The following LMO7 variants were observed in gnomAD, a reference collection of about 807,000 sequenced individuals.
LMO7 encodes LIM domain only protein 7.
LMO7 carries 120 observed loss-of-function variants against 206.5 expected under a neutral mutation model. That is an observed-to-expected ratio of 0.58 (90% CI 0.50 to 0.68). LMO7 has a LOEUF of 0.68. Among genes scored for constraint, LMO7 ranks in the 30% least tolerant of loss-of-function variants. LMO7 has a pLI of 0.00. For synonymous variants in LMO7, 706 were observed against 681.5 expected, an observed-to-expected ratio of 1.04 and a Z score of -0.56; for missense variants, 1,959 against 1,957.9, an observed-to-expected ratio of 1.00 and a Z score of -0.01.
At chr13:75,803,426 C>T (rs184878697) in intron 7 of LMO7, among the ~76,000 whole-genome samples, 9 of 152,316 alleles carry the variant, frequency 5.9e-5, no homozygotes, top group Admixed American at 1.3e-4. Flanking sequence ...CAAACCTTTA[C>T]AAGTGCACAG....
intron 1 of LMO7, 150 bp from the exon 2 acceptor site, chr13:75,713,032 C>T (rs1338427400): frequency 4.1e-6 from 2 of 487,622 alleles, no homozygotes; most frequent in Non-Finnish European, 3.6e-6. Flanking sequence ...AGTACATATT[C>T]CTATAAGGAA....
intron 1 of LMO7, among the ~76,000 whole-genome samples, chr13:75,699,657 A>T (rs1280379360): frequency 6.6e-6 from 1 of 152,306 alleles, no homozygotes; most frequent in South Asian, 2.1e-4. Flanking sequence ...CAGAGATCGC[A>T]TGCTTCAGAA....
chr13:75,626,104 T>C (rs999336154), intron 2 of LMO7, among the ~76,000 whole-genome samples: 2 of 152,218 alleles, frequency 1.3e-5, no homozygotes, highest in African/African-American at 2.4e-5. Flanking sequence ...GGAATACAAC[T>C]TGGTCTCTTA....
intron 1 of LMO7, among the ~76,000 whole-genome samples, chr13:75,707,116 T>C (rs1248307079): frequency 6.6e-6 from 1 of 151,664 alleles, no homozygotes; most frequent in Non-Finnish European, 1.5e-5. Context: ...TTTTGGCTTC[T>C]TCTGAATGTT....
chr13:75,688,978 A>G (rs567760013), intron 1 of LMO7: 2 of 152,218 alleles, frequency 1.3e-5, no homozygotes, highest in Non-Finnish European at 2.9e-5. Context: ...AATGTTTTTA[A>G]TGCAATTCTT....
At chr13:75,733,786 A>G (rs1234499025) in intron 3 of LMO7, among the ~76,000 whole-genome samples, 2 of 152,036 alleles carry the variant, frequency 1.3e-5, no homozygotes, top group African/African-American at 2.4e-5. Flanking sequence ...CCTTATTTTA[A>G]TTTTTAATTG....
chr13:75,801,007 G>C, intron 7 of LMO7, 125 bp downstream of exon 7: 1 of 804,380 alleles, frequency 1.2e-6, no homozygotes, highest in Non-Finnish European at 2.1e-6. Flanking sequence ...TTTTCATAGA[G>C]ACTGGAGTAT....
chr13:75,766,237 C>CT (rs10604656), intron 4 of LMO7, among the ~76,000 whole-genome samples: 30,120 of 125,792 alleles, frequency 0.24, 3,647 homozygotes, highest in Middle Eastern at 0.39. Context: ...TTCCCTCAGT[C>CT]TTTTTTTTTT....
intron 2 of LMO7, among the ~76,000 whole-genome samples, chr13:75,725,908 C>T (rs933585489): frequency 1.2e-4 from 18 of 150,796 alleles, no homozygotes; most frequent in African/African-American, 4.1e-4. Flanking sequence ...AGACTTTTGT[C>T]TTTTTTTATT....
At chr13:75,658,519 A>G (rs939744674) in intron 1 of LMO7, among the ~76,000 whole-genome samples, 1 of 152,106 alleles carries the variant, frequency 6.6e-6, no homozygotes, top group Non-Finnish European at 1.5e-5. Flanking sequence ...TATTTATCAT[A>G]TTAAATCTAG....
At chr13:75,632,862 G>GTTTTTTTTTTTTTTTTTTTTTT (rs10690832), upstream of LMO7, among the ~76,000 whole-genome samples, 424 of 102,126 alleles carry the variant, frequency 4.2e-3, 53 homozygotes, top group Middle Eastern at 0.014. Context: ...TTACTTAAAA[G>GTTTTTTTTTTTTTTTTTTTTTT]TTTTTTTTTT....
chr13:75,738,291 A>T (rs996817525), intron 3 of LMO7, among the ~76,000 whole-genome samples: 1 of 152,218 alleles, frequency 6.6e-6, no homozygotes, highest in African/African-American at 2.4e-5. Flanking sequence ...CTCAGCTACC[A>T]TGTGTATTTA....
chr13:75,742,846 T>A lies in LMO7; in HGVS notation c.210+15748T>A, dbSNP rs960342142. 3.3e-5 allele frequency among the ~76,000 whole-genome samples: 5 copies of A among 152,148 alleles called. No individual in the cohort carries two copies. In the East Asian group the frequency reaches 9.6e-4, roughly 29 times the overall value. On this transcript the variant is annotated intron_variant, in intron 3 of 30. Coordinates refer to ENST00000377534, the MANE Select transcript of LMO7 (RefSeq NM_001306080.2). ...TTCATGACAAAGATGCCAAAAGCAA[T>A]TGCAACAAAAGCAAAAATTGACAAA...
chr13:75,646,811 T>G (rs1407907047), intron 1 of LMO7, among the ~76,000 whole-genome samples: 1 of 152,046 alleles, frequency 6.6e-6, no homozygotes, highest in South Asian at 2.1e-4. Flanking sequence ...TCTCTAACTC[T>G]CGACCTCAGG....
At chr13:75,737,607 G>T (rs71433201) in intron 3 of LMO7, among the ~76,000 whole-genome samples, 2 of 146,762 alleles carry the variant, frequency 1.4e-5, no homozygotes, top group Non-Finnish European at 3.0e-5. Flanking sequence ...CAAAAAATTA[G>T]CCGGGCGTGG....
At chr13:75,764,213 T>G (rs1594800097) in intron 4 of LMO7, among the ~76,000 whole-genome samples, 2 of 152,250 alleles carry the variant, frequency 1.3e-5, no homozygotes, top group South Asian at 4.1e-4. Flanking sequence ...AAATTTATGA[T>G]TTAGTCTCCA....
At chr13:75,848,642 T>C (rs1280799799) in intron 26 of LMO7, among the ~76,000 whole-genome samples, 1 of 152,200 alleles carries the variant, frequency 6.6e-6, no homozygotes, top group African/African-American at 2.4e-5. Context: ...TATCATGTTC[T>C]CTATCCATTC....
At chr13:75,820,155 G>T (rs1052758500) in intron 13 of LMO7, among the ~76,000 whole-genome samples, 3 of 152,182 alleles carry the variant, frequency 2.0e-5, no homozygotes, top group African/African-American at 7.2e-5. Context: ...TATGCTGTCA[G>T]GTGAAATGAA....
In LMO7 at chr13:75,853,104, A is replaced by G. The variant is rs1446082067; in HGVS notation, c.4377A>G (p.Leu1459=). 1 of 1,599,040 alleles carries G rather than the reference A, an allele frequency of 6.3e-7. No individual in the cohort carries two copies. The highest frequency in any genetic ancestry group is 8.5e-7 in the Non-Finnish European group (1 of 1,170,932). ...TTTTGTGTTTCAGAGGCGAATCTTT[A>G]GATAACCTGGACTCCCCCCGATCCA... The part of the protein sequence containing the change: ...LPGIMRRGES[L]DNLDSPRSNS... The change falls in exon 28 of 31, where the codon TTA becomes TTG. Residue 1459 remains leucine, a synonymous_variant. Coordinates refer to ENST00000377534, the MANE Select transcript of LMO7 (RefSeq NM_001306080.2).
Sources: allele counts gnomAD v4.1 joint callset (sites outside exome capture counted in the v4.1 genomes callset), GRCh38; gene constraint gnomAD v4.1.1; transcripts MANE v1.5; gene names NCBI Gene and HGNC (gene_info 2026-07-23, HGNC 2026-07-21).